SMAP1: variants seen among roughly 807,000 people sequenced by gnomAD.
SMAP1 encodes small ArfGAP 1.
SMAP1 carries 24 observed loss-of-function variants against 58.5 expected under a neutral mutation model. The ratio of observed to expected loss-of-function variants is 0.41; its 90% confidence interval spans 0.30 to 0.58. The LOEUF is 0.58. SMAP1 is among the 20% of genes least tolerant of loss of function. The pLI is 0.29. For synonymous variants in SMAP1, 216 were observed against 196.6 expected, an observed-to-expected ratio of 1.10 and a Z score of -0.82; for missense variants, 563 against 566.3, an observed-to-expected ratio of 0.99 and a Z score of 0.06.
intron 1 of SMAP1, among the ~76,000 whole-genome samples, chr6:70,713,996 C>CT (rs552906253): frequency 1.3e-5 from 2 of 151,926 alleles, no homozygotes; most frequent in Non-Finnish European, 2.9e-5. Context: ...GTGTAATGAC[C>CT]TTTTTTTGTC....
chr6:70,682,586 T>C (rs1766763617), intron 1 of SMAP1, among the ~76,000 whole-genome samples: 1 of 152,246 alleles, frequency 6.6e-6, no homozygotes, highest in African/African-American at 2.4e-5. Flanking sequence ...TTTCTAACTT[T>C]TGTGGTTACA....
At chr6:70,676,138 G>T (rs759408538) in intron 1 of SMAP1, among the ~76,000 whole-genome samples, 13 of 152,094 alleles carry the variant, frequency 8.5e-5, no homozygotes, top group Non-Finnish European at 1.6e-4. Context: ...ATTTCCCCTG[G>T]ACTTTTTGTG....
At chr6:70,750,969 G>T (rs1045447864) in intron 2 of SMAP1, among the ~76,000 whole-genome samples, 1 of 152,176 alleles carries the variant, frequency 6.6e-6, no homozygotes, top group Non-Finnish European at 1.5e-5. Flanking sequence ...GCAGGGTGCG[G>T]TGGCTCATAC....
At chr6:70,809,179 C>A (rs888135396) in intron 6 of SMAP1, among the ~76,000 whole-genome samples, 2 of 151,966 alleles carry the variant, frequency 1.3e-5, no homozygotes, top group Non-Finnish European at 2.9e-5. Flanking sequence ...AGCAGTGACG[C>A]TATAAGAGAA....
At position 70,803,331 on chromosome 6, in the gene SMAP1, G is replaced by A. The variant is rs144815809; in HGVS notation, c.576+4594G>A. Among the ~76,000 whole-genome samples the A allele has an allele frequency of 3.7e-3, 557 of 152,190 alleles. 2 individuals are homozygous for A. The highest frequency in any genetic ancestry group is 0.011 in the African/African-American group (467 of 41,522). ...TCTGATGGTAGTTTGTATTTCTGTGGGATCAGTGGTGATACCCCTTTATCA... is the reference window on the plus strand; with the variant it reads ...TCTGATGGTAGTTTGTATTTCTGTGAGATCAGTGGTGATACCCCTTTATCA... On this transcript the variant is annotated intron_variant, in intron 6 of 10. Coordinates refer to ENST00000370455, the MANE Select transcript of SMAP1 (RefSeq NM_001044305.3).
intron 1 of SMAP1, among the ~76,000 whole-genome samples, chr6:70,706,250 G>C (rs1767832507): frequency 6.6e-6 from 1 of 152,034 alleles, no homozygotes; most frequent in African/African-American, 2.4e-5. Context: ...TCTGGTTTTT[G>C]TTTTATATGA....
chr6:70,809,093 C>T (rs1769276598), intron 6 of SMAP1, among the ~76,000 whole-genome samples: 1 of 152,012 alleles, frequency 6.6e-6, no homozygotes, highest in Admixed American at 6.5e-5. Flanking sequence ...CCATTAGCTT[C>T]TTGACGTTTT....
intron 1 of SMAP1, among the ~76,000 whole-genome samples, chr6:70,688,192 A>C (rs141267183): frequency 1.1e-4 from 16 of 152,184 alleles, no homozygotes; most frequent in African/African-American, 3.6e-4. Flanking sequence ...TAGTTTGTTT[A>C]ACCATTCATC....
intron 6 of SMAP1, among the ~76,000 whole-genome samples, chr6:70,823,596 A>G (rs2149984105): frequency 6.6e-6 from 1 of 152,312 alleles, no homozygotes; most frequent in South Asian, 2.1e-4. Context: ...TAATCCACAA[A>G]TGCTCAAGTC....
At chr6:70,777,349 T>G (rs1218919680) in intron 4 of SMAP1, among the ~76,000 whole-genome samples, 1 of 152,238 alleles carries the variant, frequency 6.6e-6, no homozygotes. Flanking sequence ...TCTTGGCTCC[T>G]CCTGCATTTC....
intron 4 of SMAP1, among the ~76,000 whole-genome samples, chr6:70,789,458 T>C (rs1272335220): frequency 6.6e-6 from 1 of 152,072 alleles, no homozygotes; most frequent in African/African-American, 2.4e-5. Context: ...TTTTGCGTCT[T>C]TCTTCCGTTA....
chr6:70,856,393 A>G (rs1159584626), intron 8 of SMAP1, among the ~76,000 whole-genome samples: 1 of 152,232 alleles, frequency 6.6e-6, no homozygotes, highest in African/African-American at 2.4e-5. Context: ...GATTAGATGT[A>G]TAAAAATCCT....
At chr6:70,818,953 C>T (rs1398548287) in intron 6 of SMAP1, among the ~76,000 whole-genome samples, 2 of 152,084 alleles carry the variant, frequency 1.3e-5, no homozygotes, top group Non-Finnish European at 2.9e-5. Context: ...GTTGCGTAGC[C>T]ATCACCGCTG....
chr6:70,798,577 TAC>T, intron 5 of SMAP1, 78 bp from the exon 6 acceptor site: 1 of 1,025,208 alleles, frequency 9.8e-7, no homozygotes, highest in Non-Finnish European at 1.4e-6. Flanking sequence ...TTCAGATGAT[TAC>T]TCAAACTAAT....
Position 70,856,965 on chromosome 6 carries a change from A to G in SMAP1, c.896A>G (p.Gln299Arg), listed in dbSNP as rs1181803199. The change falls in exon 9 of 11, where the codon CAA becomes CGA. Residue 299 changes from glutamine to arginine, a missense_variant. Physicochemically the swap from Gln to Arg is conservative, Grantham distance 43. This residue lies in a region of SMAP1 where 494 missense variants were observed against 473.8 expected (regional missense o/e 1.04). Transcript: ENST00000370455. ...AAATCAGAAGAAGTGGCAAAGAAAC[A>G]ACTTTCCAAAGACTCCATCTTATCT... The part of the protein sequence containing the change: ...TTKSEEVAKK[Q>R]LSKDSILSLY... 6.2e-7 allele frequency: 1 copy of G among 1,613,886 alleles called. No individual in the cohort carries two copies. The highest frequency in any genetic ancestry group is 8.5e-7 in the Non-Finnish European group (1 of 1,179,904).
intron 1 of SMAP1, among the ~76,000 whole-genome samples, chr6:70,673,151 T>C (rs577504869): frequency 3.9e-5 from 6 of 152,262 alleles, no homozygotes; most frequent in Admixed American, 3.3e-4. Flanking sequence ...ACTTACCAAG[T>C]CATTGGAAGG....
At chr6:70,754,157 G>A (rs562560552) in intron 2 of SMAP1, among the ~76,000 whole-genome samples, 98 of 152,100 alleles carry the variant, frequency 6.4e-4, no homozygotes, top group Non-Finnish European at 1.2e-3. Context: ...ACATTTTAAG[G>A]AACTGAAGTT....
chr6:70,684,890 G>C (rs139700598), intron 1 of SMAP1, among the ~76,000 whole-genome samples: 46 of 152,264 alleles, frequency 3.0e-4, no homozygotes, highest in Middle Eastern at 3.4e-3. Context: ...TCACTGCTCT[G>C]TTTTGAAGGC....
chr6:70,685,744 A>G (rs1285861502), intron 1 of SMAP1, among the ~76,000 whole-genome samples: 3 of 152,158 alleles, frequency 2.0e-5, no homozygotes, highest in Admixed American at 1.3e-4. Flanking sequence ...CTAAAGCCAT[A>G]TTACTCCATT....
Sources: allele counts gnomAD v4.1 joint callset (sites outside exome capture counted in the v4.1 genomes callset), GRCh38; gene constraint gnomAD v4.1.1; regional missense constraint gnomAD v4.1.1; transcripts MANE v1.5; gene names NCBI Gene and HGNC (gene_info 2026-07-23, HGNC 2026-07-21).